The following KCNN2 variants were observed in gnomAD, a reference collection of about 807,000 sequenced individuals.
The protein encoded by KCNN2 is potassium calcium-activated channel subfamily N member 2.
KCNN2 carries 24 observed loss-of-function variants against 55.5 expected under a neutral mutation model. The ratio of observed to expected loss-of-function variants is 0.43; its 90% CI spans 0.31 to 0.61. The LOEUF is 0.61. Among genes scored for constraint, KCNN2 ranks in the 20% least tolerant of loss-of-function variants. The pLI, the probability that KCNN2 is intolerant of heterozygous loss-of-function variation, is 0.08. For missense variants in KCNN2, 754 were observed against 853.6 expected, an observed-to-expected ratio of 0.88 and a Z score of 1.45; for synonymous variants, 431 against 336.1, an observed-to-expected ratio of 1.28 and a Z score of -3.09.
At chr5:114,156,137 G>C (rs968670217) in intron 1 of KCNN2, among the ~76,000 whole-genome samples, 13 of 152,156 alleles carry the variant, frequency 8.5e-5, no homozygotes, top group Non-Finnish European at 1.6e-4. Context: ...TATTGAATAG[G>C]GAATCTTTTG....
At chr5:114,442,988 G>A (rs1760273131) in intron 3 of KCNN2, among the ~76,000 whole-genome samples, 1 of 151,712 alleles carries the variant, frequency 6.6e-6, no homozygotes, top group Non-Finnish European at 1.5e-5. Context: ...TTTTCACAAA[G>A]GAGTGACTAT....
At chr5:114,247,411 A>C (rs978020167) in intron 2 of KCNN2, among the ~76,000 whole-genome samples, 1 of 152,014 alleles carries the variant, frequency 6.6e-6, no homozygotes, top group Non-Finnish European at 1.5e-5. Context: ...TGCATTATTA[A>C]ATTTTATTAT....
chr5:114,149,851 A>G (rs1197375416), intron 1 of KCNN2, among the ~76,000 whole-genome samples: 1 of 152,180 alleles, frequency 6.6e-6, no homozygotes. Flanking sequence ...AAATTCTCAG[A>G]AGGGAGTATG....
At chr5:114,124,468 G>GCC (rs1313366935) in intron 1 of KCNN2, among the ~76,000 whole-genome samples, 2 of 151,960 alleles carry the variant, frequency 1.3e-5, no homozygotes. Context: ...ACCATGATCT[G>GCC]CCCCCCCTGG....
intron 2 of KCNN2, among the ~76,000 whole-genome samples, chr5:114,343,079 G>C (rs1367611363): frequency 6.6e-6 from 1 of 152,276 alleles, no homozygotes; most frequent in East Asian, 1.9e-4. Context: ...GGAATCAGTT[G>C]TCACATCTTC....
intron 1 of KCNN2, among the ~76,000 whole-genome samples, chr5:114,093,658 G>A (rs191679409): frequency 3.3e-4 from 51 of 152,294 alleles, no homozygotes; most frequent in Admixed American, 1.1e-3. Context: ...GGGAAACAAG[G>A]CACCTTCTTC....
chr5:114,076,417 A>G (rs1050090939), intron 1 of KCNN2, among the ~76,000 whole-genome samples: 2 of 152,228 alleles, frequency 1.3e-5, no homozygotes, highest in East Asian at 3.9e-4. Context: ...AGAAAGAGGA[A>G]TAATAACAAA....
chr5:114,061,634 C>A (rs1750333420), intron 1 of KCNN2, among the ~76,000 whole-genome samples: 1 of 152,004 alleles, frequency 6.6e-6, no homozygotes. Context: ...GTTTGATGGC[C>A]AAGTTTAGCT....
chr5:114,202,585 A>ATATATATAT (rs1430105677), intron 1 of KCNN2, among the ~76,000 whole-genome samples: 1 of 92,152 alleles, frequency 1.1e-5, no homozygotes, highest in African/African-American at 4.3e-5. Context: ...ATATATATAT[A>ATATATATAT]TTTTTTTTTT....
chr5:114,489,445 G>GA (rs1428635307), intron 6 of KCNN2, among the ~76,000 whole-genome samples: 1 of 152,056 alleles, frequency 6.6e-6, no homozygotes, highest in African/African-American at 2.4e-5. Flanking sequence ...TGGATAGAGT[G>GA]ACAGAGGAAG....
chr5:114,425,945 C>T (rs1267455899), intron 3 of KCNN2, among the ~76,000 whole-genome samples: 2 of 151,276 alleles, frequency 1.3e-5, no homozygotes. Context: ...TTTGTGAGGC[C>T]GAGGTGGGTG....
At chr5:114,491,986 C>T (rs1026932721) in intron 6 of KCNN2, among the ~76,000 whole-genome samples, 1 of 152,128 alleles carries the variant, frequency 6.6e-6, no homozygotes, top group African/African-American at 2.4e-5. Context: ...AAATTTTAGA[C>T]TAGGACATAT....
intron 1 of KCNN2, among the ~76,000 whole-genome samples, chr5:114,200,120 C>G (rs1753642828): frequency 1.3e-5 from 2 of 152,048 alleles, no homozygotes; most frequent in African/African-American, 2.4e-5. Context: ...TATTTGATCT[C>G]TTTCTTTCTC....
intron 1 of KCNN2, among the ~76,000 whole-genome samples, chr5:114,123,144 G>GT (rs200637293): frequency 1.5e-3 from 231 of 151,712 alleles, no homozygotes; most frequent in African/African-American, 5.1e-3. Flanking sequence ...CTGAGGCAGT[G>GT]TTTTTTTTGC....
intron 2 of KCNN2, among the ~76,000 whole-genome samples, chr5:114,387,330 C>A (rs1224146381): frequency 6.6e-6 from 1 of 152,076 alleles, no homozygotes; most frequent in Admixed American, 6.5e-5. Context: ...AGGGAAGTAA[C>A]TATTAATGTA....
chr5:114,072,363 A>T (rs912580924), intron 1 of KCNN2, among the ~76,000 whole-genome samples: 9 of 151,944 alleles, frequency 5.9e-5, no homozygotes, highest in African/African-American at 2.2e-4. Flanking sequence ...TTCCACCTTG[A>T]TGATGAAGTG....
intron 1 of KCNN2, among the ~76,000 whole-genome samples, chr5:114,200,808 C>T (rs1255408408): frequency 6.6e-6 from 1 of 151,882 alleles, no homozygotes; most frequent in East Asian, 1.9e-4. Flanking sequence ...CTGTGATTTC[C>T]TTGGTGGTTT....
chr5:114,146,146 C>G (rs1331387648), intron 1 of KCNN2, among the ~76,000 whole-genome samples: 3 of 152,012 alleles, frequency 2.0e-5, no homozygotes, highest in African/African-American at 7.2e-5. Context: ...ACCATACTTC[C>G]CTTACTTGGT....
intron 3 of KCNN2, among the ~76,000 whole-genome samples, chr5:114,450,126 C>T (rs774462689): frequency 2.6e-5 from 4 of 152,224 alleles, no homozygotes; most frequent in African/African-American, 9.6e-5. Context: ...GCCGTGCATC[C>T]GTCAGCTGGC....
Sources: gnomAD v4.1 joint callset for allele counts (sites outside exome capture counted in the v4.1 genomes callset) on GRCh38, gnomAD v4.1.1 for gene constraint, MANE v1.5 for transcripts, NCBI Gene and HGNC (gene_info 2026-07-23, HGNC 2026-07-21) for gene names.